The following TRMT44 variants were observed in gnomAD, a reference collection of about 807,000 sequenced individuals.
TRMT44 encodes the protein tRNA methyltransferase 44 homolog.
Under a neutral mutation model 77.3 loss-of-function variants are expected in TRMT44, and 78 were observed. The observed-to-expected ratio is 1.01, with a 90% CI of 0.84 to 1.22. The LOEUF (loss-of-function observed/expected upper bound fraction) is 1.22. Among genes scored for constraint, TRMT44 ranks in the 50% most tolerant of loss-of-function variants. The probability of loss-of-function intolerance (pLI) is 0.00; values close to 1 mark genes in which losing one functional copy is unlikely to be tolerated. For synonymous variants in TRMT44, 391 were observed against 383.3 expected, an observed-to-expected ratio of 1.02 and a Z score of -0.23; for missense variants, 1,090 against 964.4, an observed-to-expected ratio of 1.13 and a Z score of -1.73.
chr4:8,493,384 TTTA>T (rs1384266827), exon 3 of TRMT44: 5 of 152,126 alleles, frequency 3.3e-5, no homozygotes, highest in African/African-American at 1.2e-4. Flanking sequence ...TCCCTAAGAT[TTTA>T]TCTTGGACCC....
chr4:8,516,324 C>G, the TRMT44 span, among the ~76,000 whole-genome samples: 2 of 152,166 alleles, frequency 1.3e-5, no homozygotes, highest in Non-Finnish European at 2.9e-5. Flanking sequence ...GCTCTGCGTG[C>G]CAAGGACACT....
At chr4:8,449,949 C>CTTTTA in intron 3 of TRMT44, 61 bp downstream of exon 3, 14 of 238,686 alleles carry the variant, frequency 5.9e-5, no homozygotes, top group African/African-American at 1.5e-4. Context: ...CTTTTCTTTT[C>CTTTTA]TTTTTTTTTT....
Position 8,475,880 on chromosome 4 carries a change from T to C in TRMT44, c.2153T>C (p.Leu718Pro), listed in dbSNP as rs1278278874. Residue 718 changes from leucine to proline, a missense_variant, in exon 11 of 11, where the codon CTC (leucine) becomes CCC (proline). Coordinates refer to ENST00000389737, the MANE Select transcript of TRMT44 (RefSeq NM_152544.3). ...CTCTCTGAAGCCTGCAAAACCCGCC[T>C]CTGCTGGTTCTTCATGCATCACCCT... Reference protein sequence around the residue: ...RLLSEACKTRLCWFFMHHPDG... With the variant: ...RLLSEACKTRPCWFFMHHPDG... The C allele has an allele frequency of 6.2e-7, 1 of 1,614,198 alleles. No homozygotes were observed. The highest frequency in any genetic ancestry group is 8.5e-7 in the Non-Finnish European group (1 of 1,180,038).
chr4:8,507,914 GTTTTGTTTT>G, the TRMT44 span, among the ~76,000 whole-genome samples: 5 of 152,088 alleles, frequency 3.3e-5, no homozygotes, highest in African/African-American at 9.7e-5. Flanking sequence ...GTTTTGTTTT[GTTTTGTTTT>G]GAAATGGAGT....
intron 2 of TRMT44, among the ~76,000 whole-genome samples, chr4:8,492,219 C>G (rs1728029584): frequency 6.6e-6 from 1 of 152,208 alleles, no homozygotes; most frequent in African/African-American, 2.4e-5. Context: ...CACCCACAGA[C>G]TCAGCATTCA....
chr4:8,507,250 C>T, the TRMT44 span: 1 of 152,330 alleles, frequency 6.6e-6, no homozygotes, highest in Non-Finnish European at 1.5e-5. Context: ...GTGCTCACAC[C>T]ATGGGGGCCC....
At chr4:8,516,116 A>G in the TRMT44 span, among the ~76,000 whole-genome samples, 2 of 151,964 alleles carry the variant, frequency 1.3e-5, no homozygotes, top group East Asian at 1.9e-4. Context: ...TAGAGGGGGG[A>G]AAACAAAAAT....
chr4:8,480,938 T>A (rs1056742328), downstream of TRMT44, among the ~76,000 whole-genome samples: 14 of 152,222 alleles, frequency 9.2e-5, no homozygotes, highest in African/African-American at 3.4e-4. Flanking sequence ...TACAAAGCTG[T>A]TTTGTGTGGG....
chr4:8,475,540 C>T (rs557667705), intron 10 of TRMT44, among the ~76,000 whole-genome samples: 1 of 152,302 alleles, frequency 6.6e-6, no homozygotes, highest in African/African-American at 2.4e-5. Context: ...GGCTGCCGCT[C>T]ACTTCCCGCA....
At chr4:8,515,657 G>T in the TRMT44 span, among the ~76,000 whole-genome samples, 1 of 152,184 alleles carries the variant, frequency 6.6e-6, no homozygotes, top group Admixed American at 6.5e-5. Flanking sequence ...GCGGGGCAGG[G>T]AGCAGAGGCT....
intron 8 of TRMT44, among the ~76,000 whole-genome samples, chr4:8,467,388 C>T (rs924042267): frequency 6.6e-6 from 1 of 152,158 alleles, no homozygotes; most frequent in Non-Finnish European, 1.5e-5. Flanking sequence ...GGTCCAAGAT[C>T]TAACAATGAT....
chr4:8,464,198 G>A, intron 7 of TRMT44, 107 bp downstream of exon 7: 1 of 755,554 alleles, frequency 1.3e-6, no homozygotes, highest in Non-Finnish European at 2.2e-6. Flanking sequence ...TCAAGCACTT[G>A]AAATGTGGGT....
chr4:8,468,344 G>A lies in TRMT44; in HGVS notation c.1925G>A (p.Gly642Glu). Residue 642 changes from glycine to glutamate, a missense_variant and splice_region_variant, in exon 9 of 11, where the codon GGA becomes GAA. Transcript: ENST00000389737. ...RNGSLKTWNG[G>E]ESLSLAEVAN... is the part of the protein sequence containing the mutation. ...GGGAGTTTGAAGACCTGGAATGGGG[G>A]AGGTAAGCTGTCCACCATCTTAGGG... 1 of 1,613,934 alleles carries A rather than the reference G, an allele frequency of 6.2e-7. No homozygotes were observed. Among genetic ancestry groups the A allele is most frequent in the East Asian group, 2.2e-5 (1 of 44,890 alleles).
the TRMT44 span, among the ~76,000 whole-genome samples, chr4:8,504,267 C>T: frequency 1.3e-5 from 2 of 152,318 alleles, no homozygotes; most frequent in African/African-American, 2.4e-5. This position sits in a 1 kb window ranked among gnomAD's most constrained non-coding sequence, Gnocchi z 5.3. Flanking sequence ...AAGTCTCCTG[C>T]GCTCCTGCAG....
At chr4:8,481,358 C>T (rs1008240076), downstream of TRMT44, among the ~76,000 whole-genome samples, 42 of 152,352 alleles carry the variant, frequency 2.8e-4, no homozygotes, top group South Asian at 1.0e-3. Flanking sequence ...AGCTGTGCCC[C>T]GACCACCTTG....
intron 2 of TRMT44, among the ~76,000 whole-genome samples, chr4:8,482,048 C>A (rs749134288): frequency 6.6e-6 from 1 of 152,176 alleles, no homozygotes; most frequent in Non-Finnish European, 1.5e-5. Context: ...TGTTAAGGTG[C>A]GTGTCGAGGT....
the TRMT44 span, among the ~76,000 whole-genome samples, chr4:8,501,900 G>C: frequency 4.5e-4 from 68 of 152,286 alleles, no homozygotes; most frequent in Non-Finnish European, 8.4e-4. The surrounding 1 kb of genome is among the most constrained non-coding windows in gnomAD (Gnocchi z 4.4). Context: ...CCTGACCCCT[G>C]CCCACATCTC....
At chr4:8,494,411 T>A (rs1182434497), downstream of TRMT44, among the ~76,000 whole-genome samples, 1 of 152,218 alleles carries the variant, frequency 6.6e-6, no homozygotes, top group African/African-American at 2.4e-5. Context: ...ACCTGATGGC[T>A]TCCTGTGCCC....
intron 2 of TRMT44, among the ~76,000 whole-genome samples, chr4:8,448,833 T>G (rs2109094937): frequency 6.6e-6 from 1 of 152,366 alleles, no homozygotes; most frequent in Non-Finnish European, 1.5e-5. Flanking sequence ...GCCATGCTGC[T>G]GCCGCGCCCT....
Sources: gnomAD v4.1 joint callset for allele counts (sites outside exome capture counted in the v4.1 genomes callset) on GRCh38, gnomAD v4.1.1 for gene constraint, Gnocchi (gnomAD v3.1) non-coding constraint, MANE v1.5 for transcripts, NCBI Gene and HGNC (gene_info 2026-07-23, HGNC 2026-07-21) for gene names.